Variants in ETFA observed in about 807,000 individuals in gnomAD.
The protein encoded by ETFA is electron transfer flavoprotein subunit alpha, mitochondrial.
In ETFA, 22 loss-of-function variants were observed where a neutral mutation model predicts 46.2. That is an observed-to-expected ratio of 0.48 (90% CI 0.34 to 0.68). ETFA has a LOEUF of 0.68. Among genes scored for constraint, ETFA ranks in the 30% least tolerant of loss-of-function variants. The pLI is 0.01. For missense variants in ETFA, 345 were observed against 401.1 expected (o/e 0.86, Z 1.19); for synonymous variants, 131 against 139.9 (o/e 0.94, Z 0.45).
intron 9 of ETFA, among the ~76,000 whole-genome samples, chr15:76,233,325 CTTTTTTT>C (rs66595585): frequency 3.3e-4 from 28 of 84,496 alleles, no homozygotes; most frequent in Non-Finnish European, 5.8e-4. Flanking sequence ...ATTCAATAGG[CTTTTTTT>C]TTTTTTTTTT....
intron 4 of ETFA, 96 bp from the exon 5 acceptor site, chr15:76,288,041 A>C (rs1427131073): frequency 1.2e-6 from 1 of 812,558 alleles, no homozygotes. Context: ...TATTCTGTAG[A>C]AATTTTAATT....
chr15:76,268,608 C>T (rs549283478), intron 9 of ETFA, among the ~76,000 whole-genome samples: 1 of 152,256 alleles, frequency 6.6e-6, no homozygotes, highest in African/African-American at 2.4e-5. Context: ...ATACAAGAGA[C>T]CCTAACAGGT....
chr15:76,225,749 ACACACAAT>A, intron 11 of ETFA, 92 bp downstream of exon 11: 1 of 833,764 alleles, frequency 1.2e-6, no homozygotes, highest in East Asian at 2.4e-5. Flanking sequence ...AGACACACAA[ACACACAAT>A]GTTTTCTTTT....
intron 5 of ETFA, among the ~76,000 whole-genome samples, chr15:76,287,488 T>A (rs2039714507): frequency 6.6e-6 from 1 of 152,178 alleles, no homozygotes. Context: ...TCTTAATGCC[T>A]ATGGAAATGA....
At chr15:76,296,693 T>C (rs2141545730) in intron 1 of ETFA, among the ~76,000 whole-genome samples, 1 of 152,290 alleles carries the variant, frequency 6.6e-6, no homozygotes, top group East Asian at 1.9e-4. Flanking sequence ...CCAACCAATA[T>C]CCAGCCCTAT....
intron 9 of ETFA, among the ~76,000 whole-genome samples, chr15:76,249,413 C>T (rs2039274370): frequency 1.3e-5 from 2 of 148,856 alleles, no homozygotes; most frequent in South Asian, 4.3e-4. Flanking sequence ...CAGGCGTGAA[C>T]CACCACGCCC....
chr15:76,288,430 G>A (rs1241974255), intron 4 of ETFA, among the ~76,000 whole-genome samples: 1 of 152,116 alleles, frequency 6.6e-6, no homozygotes, highest in Non-Finnish European at 1.5e-5. Flanking sequence ...AAAAGAGTAA[G>A]GCCAGGTACA....
chr15:76,244,817 A>T (rs999175493), intron 9 of ETFA, among the ~76,000 whole-genome samples: 2 of 152,202 alleles, frequency 1.3e-5, no homozygotes, highest in African/African-American at 4.8e-5. Context: ...ACTATCTACA[A>T]GACATGTCAA....
intron 1 of ETFA, among the ~76,000 whole-genome samples, 199 bp from the exon 2 acceptor site, chr15:76,295,936 CTTTTTT>C (rs1157687784): frequency 0.01 from 477 of 46,604 alleles, 10 homozygotes; most frequent in African/African-American, 0.03. Context: ...CACTAATATT[CTTTTTT>C]TTTTTTTTTT....
chr15:76,304,449 G>C lies in ETFA; in HGVS notation c.39+6901C>G, dbSNP rs144083696. On this transcript the variant is annotated intron_variant, in intron 1 of 11. Transcript: ENST00000557943. ...ACCCTGCAAACCTAAAATTGGCCCA[G>C]GAGTTTAAGACCAGCCTGGACAATA... Among the ~76,000 whole-genome samples, 584 of 152,226 alleles carry C rather than the reference G, an allele frequency of 3.8e-3. 3 individuals are homozygous for C. The highest frequency in any genetic ancestry group is 0.013 in the African/African-American group (553 of 41,534).
At chr15:76,239,947 A>G (rs373480502) in intron 9 of ETFA, among the ~76,000 whole-genome samples, 22 of 152,344 alleles carry the variant, frequency 1.4e-4, no homozygotes, top group African/African-American at 4.8e-4. Context: ...TTGCATGTCA[A>G]TTAGAAAGCC....
At chr15:76,295,933 A>ATTTTT (rs1555459250) in intron 1 of ETFA, among the ~76,000 whole-genome samples, 196 bp from the exon 2 acceptor site, 4 of 58,512 alleles carry the variant, frequency 6.8e-5, no homozygotes, top group Non-Finnish European at 1.2e-4. Context: ...TACCACTAAT[A>ATTTTT]TTCTTTTTTT....
intron 9 of ETFA, among the ~76,000 whole-genome samples, chr15:76,255,923 T>A (rs1422629729): frequency 1.3e-5 from 2 of 151,690 alleles, no homozygotes; most frequent in African/African-American, 2.4e-5. Flanking sequence ...TTTTTTTTTT[T>A]AAAGCCACTT....
chr15:76,243,823 A>ACAAAC (rs71140202), intron 9 of ETFA, among the ~76,000 whole-genome samples: 2 of 151,538 alleles, frequency 1.3e-5, no homozygotes, highest in East Asian at 1.9e-4. Flanking sequence ...AAACAAACAA[A>ACAAAC]AAAAAAACAA....
At chr15:76,273,582 C>A (rs1190086890) in intron 9 of ETFA, among the ~76,000 whole-genome samples, 2 of 150,338 alleles carry the variant, frequency 1.3e-5, no homozygotes, top group African/African-American at 4.9e-5. Flanking sequence ...CAAAACAAAA[C>A]AAAAAAAACT....
intron 1 of ETFA, among the ~76,000 whole-genome samples, chr15:76,307,810 G>C (rs1363465160): frequency 6.6e-6 from 1 of 152,146 alleles, no homozygotes; most frequent in Non-Finnish European, 1.5e-5. Flanking sequence ...TAAGTGTTAA[G>C]TGTTAACTAT....
chr15:76,281,219 G>C (rs1335358335), intron 8 of ETFA, among the ~76,000 whole-genome samples: 1 of 152,052 alleles, frequency 6.6e-6, no homozygotes, highest in Admixed American at 6.5e-5. Flanking sequence ...GGGCCAGACT[G>C]GTCTTGAACT....
intron 10 of ETFA, among the ~76,000 whole-genome samples, chr15:76,226,939 A>G (rs1025101791): frequency 3.3e-5 from 5 of 152,344 alleles, no homozygotes; most frequent in African/African-American, 1.2e-4. Flanking sequence ...TTATTCTGGG[A>G]TATTCTAACA....
chr15:76,244,454 T>C (rs910049031), intron 9 of ETFA, among the ~76,000 whole-genome samples: 1 of 152,208 alleles, frequency 6.6e-6, no homozygotes, highest in Non-Finnish European at 1.5e-5. Flanking sequence ...TATTAATATA[T>C]AGTTAAACGA....
Sources: allele counts gnomAD v4.1 joint callset (sites outside exome capture counted in the v4.1 genomes callset), GRCh38; gene constraint gnomAD v4.1.1; transcripts MANE v1.5; gene names NCBI Gene and HGNC (gene_info 2026-07-23, HGNC 2026-07-21).